Variants in CFAP299 observed in about 807,000 individuals in gnomAD.
CFAP299 encodes the protein cilia- and flagella-associated protein 299.
In CFAP299, 21 loss-of-function variants were observed where a neutral mutation model predicts 27.0. The ratio of observed to expected loss-of-function variants is 0.78; its 90% CI spans 0.55 to 1.12. The LOEUF (loss-of-function observed/expected upper bound fraction) is 1.12, where lower values mean the gene tolerates loss of function less well. Ranked by LOEUF, CFAP299 falls within the 50% of genes most tolerant of loss-of-function variation. The probability of loss-of-function intolerance (pLI) is 0.00; values close to 1 mark genes in which losing one functional copy is unlikely to be tolerated. For synonymous variants in CFAP299, 104 were observed against 98.1 expected (o/e 1.06, Z -0.36); for missense variants, 310 against 276.6 (o/e 1.12, Z -0.86).
At chr4:80,458,421 G>A (rs1729273264) in intron 2 of CFAP299, among the ~76,000 whole-genome samples, 1 of 151,958 alleles carries the variant, frequency 6.6e-6, no homozygotes, top group African/African-American at 2.4e-5. Context: ...CAATATGAGT[G>A]TACAAAGGTT....
At chr4:80,437,704 C>T (rs1255571903) in intron 2 of CFAP299, among the ~76,000 whole-genome samples, 1 of 152,200 alleles carries the variant, frequency 6.6e-6, no homozygotes, top group Non-Finnish European at 1.5e-5. Flanking sequence ...TAGTCTGGAA[C>T]AAAAGACAGT....
At chr4:80,722,537 G>GA (rs531447364) in intron 3 of CFAP299, among the ~76,000 whole-genome samples, 57 of 151,886 alleles carry the variant, frequency 3.8e-4, no homozygotes, top group East Asian at 1.7e-3. Flanking sequence ...CACAAGCTAG[G>GA]AAAAAAAATA....
Position 80,514,557 on chromosome 4 carries a change from A to C in CFAP299, c.243-68536A>C, listed in dbSNP as rs192360340. 4.2e-3 allele frequency among the ~76,000 whole-genome samples: 644 copies of C among 152,176 alleles called. 2 individuals are homozygous for C. The highest frequency in any genetic ancestry group is 6.2e-3 in the Non-Finnish European group (422 of 67,940). On this transcript the variant is annotated intron_variant, in intron 2 of 5. Coordinates refer to ENST00000358105, the MANE Select transcript of CFAP299 (RefSeq NM_152770.3). ...ACAGATGACTGGCAAGCCCTTACCA[A>C]ATAAAAATGATTATTTAAAGCCCAC...
At chr4:80,818,502 CT>C (rs60677317) in intron 3 of CFAP299, among the ~76,000 whole-genome samples, 4,670 of 152,072 alleles carry the variant, frequency 0.031, 134 homozygotes, top group African/African-American at 0.082. Flanking sequence ...AATGCCTTTG[CT>C]ATTACTTGAA....
At chr4:80,891,787 AAT>A (rs1491319269) in intron 4 of CFAP299, among the ~76,000 whole-genome samples, 1,364 of 126,360 alleles carry the variant, frequency 0.011, 33 homozygotes, top group African/African-American at 0.03. Context: ...TTAAAAAAAA[AAT>A]AAAAAAAAAA....
intron 2 of CFAP299, among the ~76,000 whole-genome samples, chr4:80,370,844 A>G (rs895085865): frequency 2.0e-5 from 3 of 152,118 alleles, no homozygotes; most frequent in African/African-American, 7.2e-5. Flanking sequence ...TGGTGGCTCT[A>G]CCATTCTGAG....
intron 3 of CFAP299, among the ~76,000 whole-genome samples, chr4:80,651,736 GTGTT>G (rs1325653579): frequency 2.6e-5 from 4 of 151,458 alleles, no homozygotes; most frequent in Admixed American, 6.6e-5. Flanking sequence ...GTGTGTGTGT[GTGTT>G]TGTGTGTCTG....
At chr4:80,428,622 G>A (rs1727641797) in intron 2 of CFAP299, among the ~76,000 whole-genome samples, 1 of 151,934 alleles carries the variant, frequency 6.6e-6, no homozygotes, top group Non-Finnish European at 1.5e-5. Context: ...TGCCTCCTGG[G>A]TTCAAGTGAT....
At chr4:80,482,423 C>T (rs1324637985) in intron 2 of CFAP299, among the ~76,000 whole-genome samples, 2 of 151,820 alleles carry the variant, frequency 1.3e-5, no homozygotes, top group Admixed American at 6.6e-5. Context: ...TTAAGTTATC[C>T]AAGAAATGAG....
At chr4:80,581,618 T>A (rs1736179188) in intron 2 of CFAP299, among the ~76,000 whole-genome samples, 1 of 151,268 alleles carries the variant, frequency 6.6e-6, no homozygotes, top group African/African-American at 2.4e-5. Flanking sequence ...TAATTGCTCC[T>A]TAACTCTTTG....
intron 3 of CFAP299, among the ~76,000 whole-genome samples, chr4:80,789,441 C>G (rs1303207601): frequency 6.6e-6 from 1 of 151,936 alleles, no homozygotes; most frequent in Non-Finnish European, 1.5e-5. Flanking sequence ...ATTAGATAGC[C>G]TCATGAATTT....
intron 2 of CFAP299, among the ~76,000 whole-genome samples, chr4:80,372,204 T>G (rs1160825573): frequency 6.6e-6 from 1 of 151,796 alleles, no homozygotes; most frequent in African/African-American, 2.4e-5. Context: ...ATGGAGGAGG[T>G]GCCACACATT....
chr4:80,692,772 G>A (rs1186739289), intron 3 of CFAP299, among the ~76,000 whole-genome samples: 4 of 151,956 alleles, frequency 2.6e-5, no homozygotes, highest in Non-Finnish European at 5.9e-5. Flanking sequence ...CAACAAAATG[G>A]GAGAAAATTT....
intron 2 of CFAP299, among the ~76,000 whole-genome samples, chr4:80,571,184 A>G (rs942539000): frequency 2.6e-5 from 4 of 152,140 alleles, no homozygotes; most frequent in Admixed American, 2.0e-4. Context: ...CGGAGTGATC[A>G]GCGGCTTCTA....
At chr4:80,821,116 G>A (rs1250186614) in intron 3 of CFAP299, among the ~76,000 whole-genome samples, 1 of 152,144 alleles carries the variant, frequency 6.6e-6, no homozygotes, top group Non-Finnish European at 1.5e-5. Flanking sequence ...CTTGAATAAA[G>A]TAGTGATCCC....
intron 2 of CFAP299, among the ~76,000 whole-genome samples, chr4:80,421,352 C>T (rs1406153336): frequency 6.6e-6 from 1 of 152,196 alleles, no homozygotes; most frequent in Non-Finnish European, 1.5e-5. Context: ...TGCAACTTCT[C>T]TTAAGCATTT....
chr4:80,939,472 T>C (rs796471401), intron 4 of CFAP299, among the ~76,000 whole-genome samples: 13 of 130,716 alleles, frequency 9.9e-5, no homozygotes, highest in African/African-American at 4.1e-4. Context: ...TCTCTGTTGA[T>C]TTTTTTTTCA....
At chr4:80,684,911 T>C (rs1720088613) in intron 3 of CFAP299, among the ~76,000 whole-genome samples, 2 of 152,176 alleles carry the variant, frequency 1.3e-5, no homozygotes, top group African/African-American at 4.8e-5. Context: ...ATATTATGTT[T>C]GTCCCCAATT....
intron 3 of CFAP299, chr4:80,608,227 G>A (rs995982024): frequency 2.5e-5 from 17 of 670,152 alleles, no homozygotes; most frequent in Admixed American, 2.5e-4. Context: ...ATAGATAACT[G>A]ATTCCAACAG....
Sources: allele counts gnomAD v4.1 joint callset (sites outside exome capture counted in the v4.1 genomes callset), GRCh38; gene constraint gnomAD v4.1.1; transcripts MANE v1.5; gene names NCBI Gene and HGNC (gene_info 2026-07-23, HGNC 2026-07-21).